NTRK1: variants seen among roughly 807,000 people sequenced by gnomAD.
The protein encoded by NTRK1 is high affinity nerve growth factor receptor.
In NTRK1, 62 loss-of-function variants were observed where a neutral mutation model predicts 86.8. The observed-to-expected ratio is 0.71, with a 90% CI of 0.58 to 0.88. NTRK1 has a LOEUF of 0.88. NTRK1 is among the 40% of genes least tolerant of loss of function. The pLI is 0.00. For missense variants in NTRK1, 967 were observed against 1,078.4 expected, an observed-to-expected ratio of 0.90 and a Z score of 1.45; for synonymous variants, 469 against 456.6, an observed-to-expected ratio of 1.03 and a Z score of -0.35.
At chr1:156,849,782 G>A (rs1444779220) in intron 2 of NTRK1, among the ~76,000 whole-genome samples, 1 of 152,004 alleles carries the variant, frequency 6.6e-6, no homozygotes, top group African/African-American at 2.4e-5. Context: ...AGGCTTTGGA[G>A]ACACCAGGAG....
chr1:156,868,793 C>T, intron 6 of NTRK1, 146 bp downstream of exon 6: 1 of 1,320,408 alleles, frequency 7.6e-7, no homozygotes, highest in Non-Finnish European at 1.0e-6. Context: ...TGGTTTAGAC[C>T]CACAGGGCTC....
chr1:156,844,450 G>A (rs757503747), intron 2 of NTRK1: 10 of 1,611,640 alleles, frequency 6.2e-6, no homozygotes, highest in African/African-American at 1.3e-5. Flanking sequence ...CTGTGACAGA[G>A]GCTGTGTATA....
rs927730252 is a variant in NTRK1 at position 156,876,319 on chromosome 1, C to T, written c.1633-81C>T. On this transcript the variant is annotated intron_variant, in intron 13 of 16. Coordinates refer to ENST00000524377, the MANE Select transcript of NTRK1 (RefSeq NM_002529.4). ...GCAGAGGGCTGACATGGCTGGATAC[C>T]GGGGTGGGCGGGCTGCCCTGGGTGA... 78 of 1,608,564 alleles carry T rather than the reference C, an allele frequency of 4.8e-5. 1 individual carries two copies. Among genetic ancestry groups the T allele is most frequent in the Middle Eastern group, 1.9e-4 (1 of 5,348 alleles).
intron 3 of NTRK1, among the ~76,000 whole-genome samples, chr1:156,865,420 C>A (rs970385213): frequency 1.3e-5 from 2 of 152,186 alleles, no homozygotes; most frequent in Non-Finnish European, 2.9e-5. Flanking sequence ...AGATCCCTCA[C>A]GTGCGCAGTA....
Position 156,871,363 on chromosome 1 carries a change from G to C in NTRK1, c.718-260G>C, listed in dbSNP as rs1010885207. Among the ~76,000 whole-genome samples, 51 of 152,028 alleles carry C rather than the reference G, an allele frequency of 3.4e-4. 1 individual carries two copies. The highest frequency in any genetic ancestry group is 1.2e-3 in the African/African-American group (51 of 41,444). On this transcript the variant is annotated intron_variant, in intron 6 of 16. Transcript: ENST00000524377. Reference sequence around the variant, plus strand: ...TGAGGCCCTGTTCAAGACCAGCCTGGGCAGGACAGTAAGACCCCGTCGCTA... The same window carrying C: ...TGAGGCCCTGTTCAAGACCAGCCTGCGCAGGACAGTAAGACCCCGTCGCTA...
intron 2 of NTRK1, among the ~76,000 whole-genome samples, chr1:156,850,701 C>T (rs997603555): frequency 3.3e-5 from 5 of 151,290 alleles, no homozygotes; most frequent in Non-Finnish European, 5.9e-5. Flanking sequence ...ATTAAAGGCA[C>T]GTGCCACCAT....
intron 1 of NTRK1, among the ~76,000 whole-genome samples, chr1:156,832,886 A>G (rs1279194976): frequency 6.6e-6 from 1 of 152,270 alleles, no homozygotes; most frequent in Admixed American, 6.5e-5. Context: ...CCCAGCAGAC[A>G]GCATGCCCCT....
chr1:156,869,322 C>T (rs1046418476), intron 6 of NTRK1, among the ~76,000 whole-genome samples: 1 of 152,138 alleles, frequency 6.6e-6, no homozygotes, highest in Non-Finnish European at 1.5e-5. Context: ...TCGTGATCCA[C>T]CCACCTCGGC....
upstream of NTRK1, chr1:156,858,585 G>A (rs1294127021): frequency 6.2e-7 from 1 of 1,614,090 alleles, no homozygotes; most frequent in South Asian, 1.1e-5. Context: ...ATCACAGGCA[G>A]GCATGCTCCC....
Position 156,852,590 on chromosome 1 carries a change from G to A in NTRK1, c.50+10397G>A, listed in dbSNP as rs148076939. Among the ~76,000 whole-genome samples the A allele has an allele frequency of 7.1e-3, 1,078 of 152,320 alleles. 11 individuals are homozygous for A. The highest frequency in any genetic ancestry group is 0.025 in the African/African-American group (1,031 of 41,568). On this transcript the variant is annotated intron_variant, in intron 2 of 16. Coordinates refer to the NTRK1 transcript ENST00000392302. ...TAGGCCCAGGGGCCTGGGAGTGTGT[G>A]CAGGGAGGGGCCGACATCTGTCGTT... is the stretch of plus-strand genomic sequence containing the variant.
At chr1:156,859,490 A>G (rs1463726170), upstream of NTRK1, among the ~76,000 whole-genome samples, 2 of 152,134 alleles carry the variant, frequency 1.3e-5, no homozygotes, top group Non-Finnish European at 2.9e-5. This position sits in a 1 kb window ranked among gnomAD's most constrained non-coding sequence, Gnocchi z 6.2. Context: ...AACTTCTGGC[A>G]GCCTCGACCC....
At chr1:156,825,598 C>T (rs1654297385) in intron 1 of NTRK1, among the ~76,000 whole-genome samples, 1 of 152,146 alleles carries the variant, frequency 6.6e-6, no homozygotes, top group Admixed American at 6.5e-5. Flanking sequence ...CCCATCATTA[C>T]CTTGTATATT....
intron 8 of NTRK1, 148 bp downstream of exon 8, chr1:156,874,107 C>G (rs2102907338): frequency 2.2e-6 from 2 of 910,582 alleles, no homozygotes; most frequent in Non-Finnish European, 3.4e-6. Flanking sequence ...CTGTTCTGGC[C>G]TCCTTACCCT....
intron 6 of NTRK1, among the ~76,000 whole-genome samples, chr1:156,870,444 TAGG>T (rs1358600855): frequency 1.3e-5 from 2 of 152,076 alleles, no homozygotes; most frequent in Non-Finnish European, 2.9e-5. Flanking sequence ...CTCCCTCAGT[TAGG>T]AGGATAAGGG....
At chr1:156,855,119 T>G (rs948568677) in intron 2 of NTRK1, among the ~76,000 whole-genome samples, 1 of 152,128 alleles carries the variant, frequency 6.6e-6, no homozygotes, top group African/African-American at 2.4e-5. Flanking sequence ...CTTGCCCACC[T>G]CCTTAAGTCT....
chr1:156,850,991 G>A (rs1655185351), intron 2 of NTRK1, among the ~76,000 whole-genome samples: 1 of 152,214 alleles, frequency 6.6e-6, no homozygotes, highest in South Asian at 2.1e-4. Flanking sequence ...ATAGCCAACT[G>A]TTATAGAGTT....
At chr1:156,842,506 C>A (rs373063513) in intron 2 of NTRK1, 11 of 1,613,402 alleles carry the variant, frequency 6.8e-6, no homozygotes, top group Non-Finnish European at 9.3e-6. Flanking sequence ...CCAGGAGACG[C>A]ACCTGGGACA....
chr1:156,827,915 C>T (rs1023730347), intron 1 of NTRK1, among the ~76,000 whole-genome samples: 19 of 152,186 alleles, frequency 1.2e-4, no homozygotes, highest in African/African-American at 3.9e-4. Context: ...AAAATCATCC[C>T]TTGTTCTTAT....
intron 1 of NTRK1, among the ~76,000 whole-genome samples, chr1:156,839,107 AG>A (rs1654672964): frequency 6.6e-6 from 1 of 152,152 alleles, no homozygotes; most frequent in Non-Finnish European, 1.5e-5. Flanking sequence ...AATGCAGGGC[AG>A]GGGAGGGGTG....
Sources: gnomAD v4.1 joint callset for allele counts (sites outside exome capture counted in the v4.1 genomes callset) on GRCh38, gnomAD v4.1.1 for gene constraint, Gnocchi (gnomAD v3.1) non-coding constraint, MANE v1.5 for transcripts, NCBI Gene and HGNC (gene_info 2026-07-23, HGNC 2026-07-21) for gene names.